SETBP1: variants seen among roughly 807,000 people sequenced by gnomAD.
SETBP1 encodes SET binding protein 1, also known as SET-binding protein.
SETBP1 carries 9 observed loss-of-function variants against 101.0 expected under a neutral mutation model. The ratio of observed to expected loss-of-function variants is 0.09; its 90% CI spans 0.05 to 0.16. The LOEUF (loss-of-function observed/expected upper bound fraction) is 0.16, where lower values mean the gene tolerates loss of function less well. Ranked by LOEUF, SETBP1 falls within the 10% of genes least tolerant of loss-of-function variation. The probability of loss-of-function intolerance (pLI) is 1.00; values close to 1 mark genes in which losing one functional copy is unlikely to be tolerated. For synonymous variants in SETBP1, 818 were observed against 788.5 expected (o/e 1.04, Z -0.63); for missense variants, 1,858 against 2,033.8 (o/e 0.91, Z 1.66).
chr18:44,861,064 A>G (rs2068994947), intron 2 of SETBP1, among the ~76,000 whole-genome samples: 1 of 152,046 alleles, frequency 6.6e-6, no homozygotes, highest in African/African-American at 2.4e-5. Flanking sequence ...AATACAATAT[A>G]CCAGTAAAAG....
chr18:44,712,974 T>G (rs2069377304), intron 2 of SETBP1, among the ~76,000 whole-genome samples: 2 of 148,660 alleles, frequency 1.3e-5, no homozygotes, highest in African/African-American at 5.0e-5. Context: ...TTTTTTTTTT[T>G]TTGATACAGA....
intron 2 of SETBP1, 68 bp downstream of exon 2, chr18:44,701,900 T>C: frequency 6.6e-7 from 1 of 1,525,788 alleles, no homozygotes; most frequent in East Asian, 2.3e-5. Context: ...CCTCAACTTC[T>C]TAGGGTCTAT....
At chr18:44,897,464 A>G (rs910890347) in intron 3 of SETBP1, among the ~76,000 whole-genome samples, 1 of 151,986 alleles carries the variant, frequency 6.6e-6, no homozygotes, top group Non-Finnish European at 1.5e-5. Context: ...GGCTGATGAG[A>G]AGGTGTGTTA....
intron 3 of SETBP1, among the ~76,000 whole-genome samples, chr18:44,908,376 C>T (rs2070226928): frequency 1.3e-5 from 2 of 152,236 alleles, no homozygotes; most frequent in South Asian, 2.1e-4. Flanking sequence ...CTTTCTCCTT[C>T]TCCTTCTTCT....
At chr18:44,968,147 G>T (rs892245875) in intron 4 of SETBP1, among the ~76,000 whole-genome samples, 1 of 152,178 alleles carries the variant, frequency 6.6e-6, no homozygotes, top group African/African-American at 2.4e-5. Flanking sequence ...TAAAGAATTG[G>T]TTGGATTTAG....
intron 2 of SETBP1, among the ~76,000 whole-genome samples, chr18:44,748,866 G>A (rs2070321893): frequency 6.6e-6 from 1 of 152,150 alleles, no homozygotes; most frequent in South Asian, 2.1e-4. Context: ...TGGGGATGTG[G>A]CAGGACACAC....
intron 4 of SETBP1, among the ~76,000 whole-genome samples, chr18:45,024,102 T>C (rs958674959): frequency 2.0e-5 from 3 of 152,184 alleles, no homozygotes; most frequent in Non-Finnish European, 4.4e-5. Context: ...TCTGTCTCCA[T>C]GTCTTTGCTT....
intron 3 of SETBP1, among the ~76,000 whole-genome samples, chr18:44,878,231 C>T (rs16978215): frequency 0.089 from 13,510 of 152,174 alleles, 719 homozygotes; most frequent in East Asian, 0.15. Flanking sequence ...CCCTTAGCAA[C>T]GAGGGAGTAG....
In SETBP1 at chr18:44,951,527, G is replaced by A. The variant is rs1269216379; in HGVS notation, c.2187G>A (p.Arg729=). The A allele has an allele frequency of 8.1e-6, 13 of 1,614,088 alleles. No individual in the cohort carries two copies. Among genetic ancestry groups the A allele is most frequent in the Non-Finnish European group, 1.0e-5 (12 of 1,180,026 alleles). ...TCTACATTGGCAAGAAGCGGGGCAG[G>A]AAGCCAAGAGCAGAGCTGCCACCCC... The part of the protein sequence containing the change: ...GTIYIGKKRG[R]KPRAELPPPS... The change falls in exon 4 of 6, where the codon AGG becomes AGA. Residue 729 remains arginine (R), a synonymous_variant. Transcript: ENST00000649279. The surrounding 1 kb of genome is among the most constrained non-coding windows in gnomAD (Gnocchi z 7.8).
intron 5 of SETBP1, among the ~76,000 whole-genome samples, chr18:45,042,499 T>C (rs1236377757): frequency 6.6e-6 from 1 of 152,228 alleles, no homozygotes; most frequent in Non-Finnish European, 1.5e-5. Context: ...TGCCAAATAA[T>C]TTATCAACCT....
At chr18:44,697,912 A>G (rs1387239915) in intron 1 of SETBP1, among the ~76,000 whole-genome samples, 6 of 152,238 alleles carry the variant, frequency 3.9e-5, no homozygotes, top group Admixed American at 6.5e-5. Flanking sequence ...GGGAACACCA[A>G]TTGCATGGCC....
chr18:44,824,434 G>A (rs927938497), intron 2 of SETBP1, among the ~76,000 whole-genome samples: 2 of 152,132 alleles, frequency 1.3e-5, no homozygotes, highest in South Asian at 2.1e-4. Flanking sequence ...TATCTCACTC[G>A]ATTCTATTCT....
intron 2 of SETBP1, among the ~76,000 whole-genome samples, chr18:44,845,072 G>A (rs549927240): frequency 1.3e-4 from 20 of 152,184 alleles, no homozygotes; most frequent in Admixed American, 5.2e-4. Context: ...AGAGTGATAT[G>A]TGGCTATTCC....
intron 4 of SETBP1, among the ~76,000 whole-genome samples, chr18:45,020,608 A>G (rs1299653277): frequency 2.0e-5 from 3 of 152,260 alleles, no homozygotes; most frequent in Non-Finnish European, 2.9e-5. Context: ...CAGAATCAGA[A>G]GGAATTAGAG....
At position 44,698,915 on chromosome 18, in the gene SETBP1, C is replaced by T. The variant is rs573883535; in HGVS notation, c.-172-2260C>T. Among the ~76,000 whole-genome samples the T allele has an allele frequency of 7.2e-5, 11 of 151,838 alleles. No individual in the cohort carries two copies. The East Asian group carries it at 1.2e-3, about 16-fold the overall frequency. ...AAGTTTCAGAACTTTGTCTTGTACACGTAGTAAAATGTAAGAAATGATTGT... is the reference window on the plus strand; with the variant it reads ...AAGTTTCAGAACTTTGTCTTGTACATGTAGTAAAATGTAAGAAATGATTGT... On this transcript the variant is annotated intron_variant, in intron 1 of 5. Coordinates refer to ENST00000649279, the MANE Select transcript of SETBP1 (RefSeq NM_015559.3).
intron 2 of SETBP1, among the ~76,000 whole-genome samples, chr18:44,861,918 T>C (rs1280724369): frequency 6.6e-6 from 1 of 152,200 alleles, no homozygotes; most frequent in African/African-American, 2.4e-5. Context: ...ATAAGTTTCT[T>C]TGGGTTCATT....
intron 3 of SETBP1, among the ~76,000 whole-genome samples, chr18:44,905,605 T>G (rs1378787907): frequency 6.6e-6 from 1 of 152,174 alleles, no homozygotes; most frequent in Non-Finnish European, 1.5e-5. Context: ...TTGGGTGAAC[T>G]TTCCAGGAAT....
rs138409855 is a variant in SETBP1 at position 44,773,232 on chromosome 18, A to G, written c.486+71400A>G. On this transcript the variant is annotated intron_variant, in intron 2 of 5. Coordinates refer to ENST00000649279, the MANE Select transcript of SETBP1 (RefSeq NM_015559.3). ...CTAAGGTGCCCTAGATCTCTGCACT[A>G]TCTATTAGTGGGCATGCACAGTTTT... Among the ~76,000 whole-genome samples the G allele has an allele frequency of 1.3e-4, 20 of 152,316 alleles. No individual in the cohort carries two copies. The East Asian group carries it at 3.9e-3, about 29-fold the overall frequency.
chr18:44,937,454 C>CAAAAA (rs34414710), intron 3 of SETBP1, among the ~76,000 whole-genome samples: 6 of 83,364 alleles, frequency 7.2e-5, no homozygotes, highest in Middle Eastern at 7.5e-3. Flanking sequence ...GACTCCGTCT[C>CAAAAA]AAAAAAAAAA....
Sources: gnomAD v4.1 joint callset for allele counts (sites outside exome capture counted in the v4.1 genomes callset) on GRCh38, gnomAD v4.1.1 for gene constraint, Gnocchi (gnomAD v3.1) non-coding constraint, MANE v1.5 for transcripts, NCBI Gene and HGNC (gene_info 2026-07-23, HGNC 2026-07-21) for gene names.